Variants in NTM observed in about 807,000 individuals in gnomAD.
NTM encodes the protein IgLON family member 2.
A neutral mutation model predicts 42.1 loss-of-function variants in NTM; 13 were observed. The observed-to-expected ratio is 0.31, with a 90% CI of 0.20 to 0.49. The LOEUF (loss-of-function observed/expected upper bound fraction) is 0.49, where lower values mean the gene tolerates loss of function less well. Among genes scored for constraint, NTM ranks in the 20% least tolerant of loss-of-function variants. The pLI, the probability that NTM is intolerant of heterozygous loss-of-function variation, is 0.99. For missense variants in NTM, 373 were observed against 452.8 expected (o/e 0.82, Z 1.60); for synonymous variants, 187 against 179.2 (o/e 1.04, Z -0.35).
At chr11:131,883,546 T>A (rs1483446663) in intron 1 of NTM, among the ~76,000 whole-genome samples, 2 of 152,142 alleles carry the variant, frequency 1.3e-5, no homozygotes, top group Non-Finnish European at 2.9e-5. Flanking sequence ...ACTGTTCAAA[T>A]GAAGAAACTG....
At chr11:131,866,970 C>A (rs940834280) in intron 1 of NTM, among the ~76,000 whole-genome samples, 1 of 152,082 alleles carries the variant, frequency 6.6e-6, no homozygotes, top group African/African-American at 2.4e-5. Context: ...GGACAGTGCG[C>A]GGCAGCCAAG....
At position 131,681,243 on chromosome 11, in the gene NTM, G is replaced by A. The variant is rs1189888917; in HGVS notation, c.83-230321G>A. On this transcript the variant is annotated intron_variant, in intron 1 of 8. Coordinates refer to ENST00000683400, the MANE Select transcript of NTM (RefSeq NM_001352005.2). ...TGTGTGTATGTCTCCCTGTGTATGT[G>A]AGCGTGTGTTTCTGTGTCTGTGTGT... 6.5e-5 allele frequency among the ~76,000 whole-genome samples: 4 copies of A among 61,338 alleles called. 1 individual carries two copies. The highest frequency in any genetic ancestry group is 1.7e-4 in the African/African-American group (4 of 23,162). The allele number at this position is 61,338 out of a possible 152,430, so 40.2% of individuals were successfully genotyped here.
At chr11:131,820,549 T>A (rs925172109) in intron 1 of NTM, among the ~76,000 whole-genome samples, 10 of 152,230 alleles carry the variant, frequency 6.6e-5, no homozygotes, top group Admixed American at 2.0e-4. Flanking sequence ...TTAATTTTTT[T>A]AAATGGGGCC....
At chr11:132,052,068 A>C (rs914012208) in intron 2 of NTM, among the ~76,000 whole-genome samples, 3 of 152,210 alleles carry the variant, frequency 2.0e-5, no homozygotes, top group Non-Finnish European at 2.9e-5. Flanking sequence ...AAAAAATTGC[A>C]AACAGGCCTT....
intron 1 of NTM, among the ~76,000 whole-genome samples, chr11:131,816,032 CT>C (rs1409704681): frequency 1.3e-5 from 2 of 152,174 alleles, no homozygotes; most frequent in Non-Finnish European, 2.9e-5. Flanking sequence ...ATTGCCTTCT[CT>C]TTTCTCCTCC....
chr11:131,954,811 A>G (rs2061393552), intron 2 of NTM, among the ~76,000 whole-genome samples: 1 of 152,164 alleles, frequency 6.6e-6, no homozygotes, highest in Non-Finnish European at 1.5e-5. Flanking sequence ...TTTTTCATTT[A>G]AAAAAATGAA....
intron 1 of NTM, among the ~76,000 whole-genome samples, chr11:131,461,105 G>A (rs993547431): frequency 2.6e-5 from 4 of 152,156 alleles, no homozygotes; most frequent in African/African-American, 7.2e-5. Flanking sequence ...TGAGGGTATC[G>A]GTTGCAAAAG....
chr11:131,688,681 T>G (rs1207385362), intron 1 of NTM, among the ~76,000 whole-genome samples: 1 of 152,234 alleles, frequency 6.6e-6, no homozygotes, highest in East Asian at 1.9e-4. Context: ...CAGTTCATGC[T>G]GTGGGTTGAG....
chr11:131,810,613 G>C (rs562273440), intron 1 of NTM, among the ~76,000 whole-genome samples: 45 of 152,304 alleles, frequency 3.0e-4, no homozygotes, highest in African/African-American at 9.9e-4. Flanking sequence ...GCGTTTTGCT[G>C]GGTCCAGAGA....
At chr11:131,748,098 A>C (rs1381023300) in intron 1 of NTM, among the ~76,000 whole-genome samples, 1 of 152,248 alleles carries the variant, frequency 6.6e-6, no homozygotes, top group Non-Finnish European at 1.5e-5. Context: ...CCATAAGCTA[A>C]ATGTGTTCAA....
At chr11:131,522,939 C>A (rs538342873) in intron 1 of NTM, among the ~76,000 whole-genome samples, 2 of 152,306 alleles carry the variant, frequency 1.3e-5, no homozygotes, top group East Asian at 1.9e-4. Flanking sequence ...TTCTTAAAAG[C>A]TCTGCTGGTG....
chr11:131,422,788 G>T (rs1194783643), intron 1 of NTM, among the ~76,000 whole-genome samples: 5 of 152,064 alleles, frequency 3.3e-5, no homozygotes, highest in Admixed American at 3.3e-4. Flanking sequence ...AAATCCACTT[G>T]CTTATCTGAT....
intron 1 of NTM, among the ~76,000 whole-genome samples, chr11:131,624,720 G>A (rs1022957485): frequency 3.3e-5 from 5 of 152,190 alleles, no homozygotes; most frequent in African/African-American, 9.7e-5. Flanking sequence ...GCCCATCCAC[G>A]CTAATCACGG....
intron 2 of NTM, among the ~76,000 whole-genome samples, chr11:131,919,347 A>G (rs1276799357): frequency 2.0e-5 from 3 of 152,174 alleles, no homozygotes; most frequent in Admixed American, 6.5e-5. Context: ...CAATACTACC[A>G]ACATCATTAT....
chr11:132,141,642 C>T (rs143758618), intron 2 of NTM, among the ~76,000 whole-genome samples: 1 of 152,198 alleles, frequency 6.6e-6, no homozygotes, highest in Non-Finnish European at 1.5e-5. Context: ...GGTGGGGCAC[C>T]CTCAATAATC....
In NTM at chr11:131,852,880, G is replaced by A. The variant is rs371720252; in HGVS notation, c.83-58684G>A. On this transcript the variant is annotated intron_variant, in intron 1 of 8. Transcript: ENST00000683400. ...CATCTATCCATCCATCCACCCATCCGTCCATCCATCCATCCACCCACCCAT... is the reference window on the plus strand; with the variant it reads ...CATCTATCCATCCATCCACCCATCCATCCATCCATCCATCCACCCACCCAT... 4.0e-4 allele frequency among the ~76,000 whole-genome samples: 51 copies of A among 126,558 alleles called. 2 individuals are homozygous for A. In the East Asian group the frequency reaches 4.3e-3, roughly 11 times the overall value. The allele number at this position is 126,558 out of a possible 152,430, so 83.0% of individuals were successfully genotyped here.
At chr11:132,048,785 C>A (rs1410856613) in intron 2 of NTM, among the ~76,000 whole-genome samples, 1 of 151,240 alleles carries the variant, frequency 6.6e-6, no homozygotes, top group African/African-American at 2.4e-5. Flanking sequence ...ACAAAAACAC[C>A]AGAACTACAG....
rs370542062 is a variant in NTM at position 131,628,832 on chromosome 11, C to G, written c.82+257944C>G. On this transcript the variant is annotated intron_variant, in intron 1 of 8. Coordinates refer to ENST00000683400, the MANE Select transcript of NTM (RefSeq NM_001352005.2). ...AAGACCGAAAGGGGGCCCTGAGGAA[C>G]TGCTGCAGCTCTGGGGCAGAGGCAG... 8.5e-5 allele frequency among the ~76,000 whole-genome samples: 13 copies of G among 152,376 alleles called. No individual in the cohort carries two copies. In the South Asian group the frequency reaches 2.5e-3, roughly 29 times the overall value.
At chr11:131,438,106 A>C (rs1269455036) in intron 1 of NTM, among the ~76,000 whole-genome samples, 1 of 152,188 alleles carries the variant, frequency 6.6e-6, no homozygotes, top group Non-Finnish European at 1.5e-5. Context: ...GTTGAGTATT[A>C]GCCCCCACTC....
Sources: gnomAD v4.1 joint callset for allele counts (sites outside exome capture counted in the v4.1 genomes callset) on GRCh38, gnomAD v4.1.1 for gene constraint, MANE v1.5 for transcripts, NCBI Gene and HGNC (gene_info 2026-07-23, HGNC 2026-07-21) for gene names.